Variants in C4orf51 observed in about 807,000 individuals in gnomAD.
The protein encoded by C4orf51 is chromosome 4 open reading frame 51.
A neutral mutation model predicts 25.2 loss-of-function variants in C4orf51; 25 were observed. The ratio of observed to expected loss-of-function variants is 0.99; its 90% CI spans 0.72 to 1.39. The LOEUF (loss-of-function observed/expected upper bound fraction) is 1.39. Among genes scored for constraint, C4orf51 ranks in the 40% most tolerant of loss-of-function variants. The pLI is 0.00. For missense variants in C4orf51, 252 were observed against 239.6 expected (o/e 1.05, Z -0.34); for synonymous variants, 100 against 84.5 (o/e 1.18, Z -1.01).
At chr4:145,766,481 C>T (rs920594447) in intron 1 of C4orf51, among the ~76,000 whole-genome samples, 23 of 152,182 alleles carry the variant, frequency 1.5e-4, no homozygotes, top group Admixed American at 7.9e-4. Context: ...TGATCAGTTT[C>T]CTGCCTTGAG....
At chr4:145,734,268 G>A (rs1399815088), downstream of C4orf51, among the ~76,000 whole-genome samples, 1 of 152,192 alleles carries the variant, frequency 6.6e-6, no homozygotes, top group Non-Finnish European at 1.5e-5. Flanking sequence ...GAACCGGCAG[G>A]TTCATAGACT....
At chr4:145,783,652 A>G in the C4orf51 span, among the ~76,000 whole-genome samples, 4 of 152,360 alleles carry the variant, frequency 2.6e-5, no homozygotes, top group African/African-American at 9.6e-5. Context: ...AAGTTCTGAG[A>G]AGGCTTTTGC....
At chr4:145,683,863 C>T (rs1728981078) in intron 1 of C4orf51, among the ~76,000 whole-genome samples, 1 of 152,072 alleles carries the variant, frequency 6.6e-6, no homozygotes, top group Non-Finnish European at 1.5e-5. Context: ...AGATACAACA[C>T]CAAAGGTATG....
At chr4:145,733,038 G>A (rs1732577108), downstream of C4orf51, among the ~76,000 whole-genome samples, 1 of 152,194 alleles carries the variant, frequency 6.6e-6, no homozygotes. Flanking sequence ...AGTCGCGGGG[G>A]CGGGGGCGGC....
intron 1 of C4orf51, among the ~76,000 whole-genome samples, chr4:145,694,039 G>A (rs1387122278): frequency 7.2e-6 from 1 of 138,988 alleles, no homozygotes; most frequent in Non-Finnish European, 1.6e-5. Flanking sequence ...GGGCGGCCGG[G>A]CAGAGACGCT....
chr4:145,747,706 TTTCC>T (rs1268546164), intron 1 of C4orf51, among the ~76,000 whole-genome samples: 6 of 128,318 alleles, frequency 4.7e-5, no homozygotes, highest in Middle Eastern at 3.7e-3. Flanking sequence ...TCCTTCCTTC[TTTCC>T]TTCCTTCCTT....
intron 2 of C4orf51, among the ~76,000 whole-genome samples, chr4:145,719,614 A>T (rs1201182638): frequency 7.1e-6 from 1 of 141,378 alleles, no homozygotes; most frequent in Non-Finnish European, 1.5e-5. Context: ...AAAAAGCAGC[A>T]TCCTTTGAAA....
chr4:145,703,288 A>T (rs1439225716), intron 2 of C4orf51, among the ~76,000 whole-genome samples: 1 of 151,366 alleles, frequency 6.6e-6, no homozygotes, highest in Non-Finnish European at 1.5e-5. Context: ...AAGCACCCCC[A>T]CTGAGCACCT....
chr4:145,702,739 G>C (rs1044639092), intron 2 of C4orf51, among the ~76,000 whole-genome samples: 15 of 152,204 alleles, frequency 9.9e-5, no homozygotes, highest in African/African-American at 3.6e-4. Context: ...CCAATTCTTA[G>C]ACCTTTTATA....
At chr4:145,691,976 C>CACACAATA (rs1427861062) in intron 1 of C4orf51, among the ~76,000 whole-genome samples, 1 of 151,936 alleles carries the variant, frequency 6.6e-6, no homozygotes, top group African/African-American at 2.4e-5. Context: ...TGATATACAG[C>CACACAATA]TGATAGGAAT....
chr4:145,757,082 C>T (rs1043699303), downstream of C4orf51, among the ~76,000 whole-genome samples: 26 of 152,130 alleles, frequency 1.7e-4, no homozygotes, highest in African/African-American at 5.8e-4. Flanking sequence ...TTGAACTTAG[C>T]GTGTTTTTCA....
At chr4:145,691,976 C>CACACAA in intron 1 of C4orf51, among the ~76,000 whole-genome samples, 1 of 151,854 alleles carries the variant, frequency 6.6e-6, no homozygotes, top group African/African-American at 2.4e-5. Flanking sequence ...TGATATACAG[C>CACACAA]TGATAGGAAT....
chr4:145,773,119 G>C (rs1436578922), downstream of C4orf51, among the ~76,000 whole-genome samples: 2 of 152,192 alleles, frequency 1.3e-5, no homozygotes, highest in Admixed American at 6.5e-5. Flanking sequence ...AGAAAAAAAA[G>C]ACTATCTGAA....
At chr4:145,754,556 T>A (rs756211706), downstream of C4orf51, among the ~76,000 whole-genome samples, 11 of 152,146 alleles carry the variant, frequency 7.2e-5, no homozygotes, top group Non-Finnish European at 1.3e-4. Flanking sequence ...TCAAACCAGA[T>A]CAAACAGTTC....
chr4:145,734,263 G>A (rs988140393), downstream of C4orf51, among the ~76,000 whole-genome samples: 22 of 152,288 alleles, frequency 1.4e-4, no homozygotes, highest in African/African-American at 5.1e-4. Context: ...AAAGGGAACC[G>A]GCAGGTTCAT....
intron 2 of C4orf51, among the ~76,000 whole-genome samples, chr4:145,714,988 C>T (rs981049041): frequency 1.3e-5 from 2 of 152,222 alleles, no homozygotes; most frequent in East Asian, 1.9e-4. Flanking sequence ...CCTAGAGCAG[C>T]GCCCTAAAAT....
At chr4:145,687,581 G>T (rs1388071247) in intron 1 of C4orf51, among the ~76,000 whole-genome samples, 1 of 152,150 alleles carries the variant, frequency 6.6e-6, no homozygotes, top group East Asian at 1.9e-4. Context: ...TGCTTAGGGG[G>T]AACACAAACC....
rs374539819 is a variant in C4orf51 at position 145,732,488 on chromosome 4, C to T, written c.537C>T (p.Cys179=). 3 of 1,611,098 alleles carry T rather than the reference C, an allele frequency of 1.9e-6. No homozygotes were observed. Among genetic ancestry groups the T allele is most frequent in the Non-Finnish European group, 1.7e-6 (2 of 1,178,864 alleles). The change falls in exon 6 of 6, where the codon TGC becomes TGT. Residue 179 remains cysteine, a synonymous_variant. Coordinates refer to ENST00000438731, the MANE Select transcript of C4orf51 (RefSeq NM_001080531.3). ...GGTGCGATTCTGAAAGCAAGGTTTG[C>T]TCATCTGAGGATTCAGAAGCTGATC... ...HGRCDSESKV[C]SSEDSEADRY...
At chr4:145,726,812 A>C in intron 2 of C4orf51, 99 bp from the exon 3 acceptor site, 2 of 939,082 alleles carry the variant, frequency 2.1e-6, no homozygotes, top group Non-Finnish European at 3.4e-6. Context: ...GAAGCAATTG[A>C]AGTGTGTACA....
Sources: gnomAD v4.1 joint callset for allele counts (sites outside exome capture counted in the v4.1 genomes callset) on GRCh38, gnomAD v4.1.1 for gene constraint, MANE v1.5 for transcripts, NCBI Gene and HGNC (gene_info 2026-07-23, HGNC 2026-07-21) for gene names.